The following AGBL1 variants were observed in gnomAD, a reference collection of about 807,000 sequenced individuals.
The protein encoded by AGBL1 is AGBL carboxypeptidase 1.
Under a neutral mutation model 118.9 loss-of-function variants are expected in AGBL1, and 130 were observed. The observed-to-expected ratio is 1.09, with a 90% CI of 0.95 to 1.26. The LOEUF is 1.26. AGBL1 is among the 50% of genes most tolerant of loss of function. AGBL1 has a pLI of 0.00. For missense variants in AGBL1, 1,584 were observed against 1,298.1 expected (o/e 1.22, Z -3.38); for synonymous variants, 555 against 478.9 (o/e 1.16, Z -2.08).
chr15:86,702,704 T>G (rs2086381074), intron 22 of AGBL1, among the ~76,000 whole-genome samples: 1 of 152,160 alleles, frequency 6.6e-6, no homozygotes, highest in Non-Finnish European at 1.5e-5. Flanking sequence ...CTTTATTTCC[T>G]TCACACTTTT....
chr15:86,868,277 G>C (rs1406153645), intron 22 of AGBL1, among the ~76,000 whole-genome samples: 1 of 152,226 alleles, frequency 6.6e-6, no homozygotes. Context: ...ACCCTGTGAG[G>C]TCGCCAGAGG....
intron 21 of AGBL1, among the ~76,000 whole-genome samples, chr15:86,641,860 G>A (rs562523055): frequency 9.9e-5 from 15 of 152,270 alleles, no homozygotes; most frequent in African/African-American, 3.4e-4. Context: ...TAAACAACAA[G>A]CATTCATTTT....
intron 21 of AGBL1, among the ~76,000 whole-genome samples, chr15:86,560,214 A>G (rs1054615501): frequency 1.5e-4 from 23 of 151,840 alleles, no homozygotes; most frequent in African/African-American, 5.1e-4. Flanking sequence ...ATATGTATAC[A>G]TGTGCCATGT....
chr15:86,191,348 C>CAAAAAAAAAAAAAAAAA (rs869108108), intron 5 of AGBL1, among the ~76,000 whole-genome samples: 8 of 65,106 alleles, frequency 1.2e-4, no homozygotes, highest in African/African-American at 5.8e-4. Context: ...AACTTTGTCT[C>CAAAAAAAAAAAAAAAAA]AAAAAAAAAA....
intron 21 of AGBL1, among the ~76,000 whole-genome samples, chr15:86,568,310 A>G (rs1402180922): frequency 6.6e-6 from 1 of 152,152 alleles, no homozygotes; most frequent in Non-Finnish European, 1.5e-5. Context: ...TCTGGGGAGA[A>G]TACCTGTATT....
intron 22 of AGBL1, among the ~76,000 whole-genome samples, chr15:86,806,267 C>A (rs1211411393): frequency 1.3e-5 from 2 of 152,066 alleles, no homozygotes; most frequent in African/African-American, 4.8e-5. Flanking sequence ...GAATGATCTC[C>A]ACCACTTCAG....
At chr15:86,946,566 G>T (rs1044608176) in intron 23 of AGBL1, among the ~76,000 whole-genome samples, 1 of 152,084 alleles carries the variant, frequency 6.6e-6, no homozygotes, top group Non-Finnish European at 1.5e-5. Flanking sequence ...ACCATGAGGA[G>T]GTTGGGCGCA....
At chr15:86,454,014 T>C (rs2082230497) in intron 18 of AGBL1, among the ~76,000 whole-genome samples, 1 of 152,216 alleles carries the variant, frequency 6.6e-6, no homozygotes, top group Non-Finnish European at 1.5e-5. Context: ...TCTTTCTTGT[T>C]TTCCTCAATT....
At chr15:86,865,321 G>A (rs1196197398) in intron 22 of AGBL1, among the ~76,000 whole-genome samples, 2 of 152,220 alleles carry the variant, frequency 1.3e-5, no homozygotes, top group African/African-American at 4.8e-5. Context: ...AAAGTCACAA[G>A]TGTGAAAACT....
Position 86,095,646 on chromosome 15 carries a change from C to CTTTTTTTTTTTTTTTTTTT in AGBL1, c.51+15623_51+15624insTTTTTTTTTTTTTTTTTTT, listed in dbSNP as rs1896319963. On this transcript the variant is annotated intron_variant, in intron 1 of 22. Transcript: ENST00000614907. Reference sequence around the variant, plus strand: ...TCATAATGTCACATGACCTTGGATACCTTTTTTTTTTTTTTTTTTTTTTTT... The same window carrying CTTTTTTTTTTTTTTTTTTT: ...TCATAATGTCACATGACCTTGGATACTTTTTTTTTTTTTTTTTTTCTTTTTTTTTTTTTTTTTTTTTTTT... Among the ~76,000 whole-genome samples, 10 of 116,684 alleles carry CTTTTTTTTTTTTTTTTTTT rather than the reference C, an allele frequency of 8.6e-5. 5 individuals are homozygous for CTTTTTTTTTTTTTTTTTTT. The highest frequency in any genetic ancestry group is 6.3e-5 in the African/African-American group (2 of 31,940). The allele number at this position is 116,684 out of a possible 152,430, so 76.5% of individuals were successfully genotyped here. A position where few individuals can be genotyped will look rare whatever the true frequency, so the allele number is the denominator to read the frequency against.
At chr15:86,699,287 C>T (rs1277446537) in intron 22 of AGBL1, among the ~76,000 whole-genome samples, 2 of 151,798 alleles carry the variant, frequency 1.3e-5, no homozygotes, top group African/African-American at 2.4e-5. Context: ...AACTTTATTC[C>T]TTAATATCTC....
In AGBL1 at chr15:86,864,290, T is replaced by C. The variant is rs369919196; in HGVS notation, c.3159-42797T>C. On this transcript the variant is annotated intron_variant, in intron 22 of 22. Coordinates refer to ENST00000614907, the MANE Select transcript of AGBL1 (RefSeq NM_001386094.1). ...TAAACAGCACTCTGATTTCTAGTTA[T>C]TTTTCCACTAACTTGCATTGACTCA... Among the ~76,000 whole-genome samples the C allele has an allele frequency of 1.4e-4, 22 of 152,310 alleles. 1 individual carries two copies. In the East Asian group the frequency reaches 4.1e-3, roughly 28 times the overall value.
intron 22 of AGBL1, among the ~76,000 whole-genome samples, chr15:86,678,527 C>G (rs1270681253): frequency 2.0e-5 from 3 of 151,978 alleles, no homozygotes; most frequent in East Asian, 3.8e-4. Context: ...ATTTTAATTT[C>G]TGTGTTAAAG....
At chr15:86,358,444 G>T (rs950288974) in intron 17 of AGBL1, among the ~76,000 whole-genome samples, 1 of 151,944 alleles carries the variant, frequency 6.6e-6, no homozygotes, top group East Asian at 1.9e-4. Context: ...GAACACTCAG[G>T]TTGTTTCAAT....
At chr15:86,333,274 T>C (rs2080304900) in intron 17 of AGBL1, among the ~76,000 whole-genome samples, 2 of 152,152 alleles carry the variant, frequency 1.3e-5, no homozygotes, top group Non-Finnish European at 2.9e-5. Context: ...ATAAGCAAGA[T>C]TGATAGACTG....
intron 17 of AGBL1, among the ~76,000 whole-genome samples, chr15:86,360,552 T>A (rs2141920047): frequency 6.6e-6 from 1 of 152,102 alleles, no homozygotes; most frequent in African/African-American, 2.4e-5. Context: ...GCTAGCCTCA[T>A]AAAATGAGTT....
intron 5 of AGBL1, among the ~76,000 whole-genome samples, chr15:86,208,923 G>A (rs1247639117): frequency 6.6e-6 from 1 of 152,116 alleles, no homozygotes; most frequent in East Asian, 1.9e-4. Flanking sequence ...GTCGATTTTA[G>A]ATCTTTCCTG....
rs2078461435 is a variant in AGBL1, at chr15:86,231,879, G to A, written c.526+6928G>A. 2.0e-5 allele frequency among the ~76,000 whole-genome samples: 3 copies of A among 152,190 alleles called. No homozygotes were observed. In the South Asian group the frequency reaches 6.2e-4, roughly 32 times the overall value. On this transcript the variant is annotated intron_variant, in intron 6 of 22. Coordinates refer to ENST00000614907, the MANE Select transcript of AGBL1 (RefSeq NM_001386094.1). The stretch of plus-strand genomic sequence containing the variant: ...AATAAATACTGTCTAAGTATTAGAA[G>A]GATTATTGTGGGAGGGGGTATCTGT...
intron 17 of AGBL1, among the ~76,000 whole-genome samples, chr15:86,310,200 C>T (rs1468994857): frequency 2.6e-5 from 4 of 152,094 alleles, no homozygotes; most frequent in Non-Finnish European, 5.9e-5. Context: ...TTTGGGTTGT[C>T]TAATATGTTG....
Sources: gnomAD v4.1 joint callset for allele counts (sites outside exome capture counted in the v4.1 genomes callset) on GRCh38, gnomAD v4.1.1 for gene constraint, MANE v1.5 for transcripts, NCBI Gene and HGNC (gene_info 2026-07-23, HGNC 2026-07-21) for gene names.